EXOC2: variants seen among roughly 807,000 people sequenced by gnomAD.
EXOC2 encodes SEC5-like 1.
In EXOC2, 70 loss-of-function variants were observed where a neutral mutation model predicts 131.8. That is an observed-to-expected ratio of 0.53 (90% CI 0.44 to 0.65). The LOEUF is 0.65. Among genes scored for constraint, EXOC2 ranks in the 30% least tolerant of loss-of-function variants. The pLI is 0.00. For missense variants in EXOC2, 923 were observed against 1,108.6 expected (o/e 0.83, Z 2.38); for synonymous variants, 411 against 398.4 (o/e 1.03, Z -0.38).
At chr6:682,199 CTT>C (rs10654916) in intron 1 of EXOC2, among the ~76,000 whole-genome samples, 20 of 129,604 alleles carry the variant, frequency 1.5e-4, no homozygotes, top group Admixed American at 2.3e-4. Flanking sequence ...TTCCCAGTTT[CTT>C]TTTTTTTTTT....
At chr6:514,765 G>C (rs1248511252) in intron 23 of EXOC2, among the ~76,000 whole-genome samples, 1 of 152,208 alleles carries the variant, frequency 6.6e-6, no homozygotes, top group Non-Finnish European at 1.5e-5. Flanking sequence ...AGATGTGTGG[G>C]GGAGGAGCCC....
intron 3 of EXOC2, 123 bp from the exon 4 acceptor site, chr6:630,084 G>T: frequency 8.4e-7 from 1 of 1,191,944 alleles, no homozygotes; most frequent in Non-Finnish European, 1.1e-6. Flanking sequence ...ATCTTTAAGA[G>T]ATTTGAGGAC....
intron 22 of EXOC2, among the ~76,000 whole-genome samples, chr6:545,846 G>A (rs576881221): frequency 1.3e-5 from 2 of 152,052 alleles, no homozygotes; most frequent in East Asian, 3.9e-4. Flanking sequence ...AAAATACTAC[G>A]TATACCCACA....
intron 1 of EXOC2, among the ~76,000 whole-genome samples, chr6:677,932 T>TCACACACA (rs1390594003): frequency 5.2e-5 from 4 of 77,314 alleles, no homozygotes; most frequent in African/African-American, 1.5e-4. Context: ...GCTTATAATC[T>TCACACACA]CTCACACACA....
intron 1 of EXOC2, among the ~76,000 whole-genome samples, chr6:660,049 G>A (rs551278899): frequency 7.2e-5 from 11 of 152,050 alleles, no homozygotes; most frequent in South Asian, 4.2e-4. Flanking sequence ...TCAGTTTTGC[G>A]TGGGAGCTGG....
intron 1 of EXOC2, among the ~76,000 whole-genome samples, chr6:681,588 T>C (rs754683831): frequency 6.6e-6 from 1 of 152,226 alleles, no homozygotes; most frequent in Admixed American, 6.5e-5. Context: ...AACTATCCTT[T>C]AGTCCTATAA....
chr6:688,033 T>C (rs1395517865), intron 1 of EXOC2, among the ~76,000 whole-genome samples: 3 of 152,140 alleles, frequency 2.0e-5, no homozygotes, highest in Non-Finnish European at 4.4e-5. Flanking sequence ...AGGTAGGAGA[T>C]TGGTCTTAGC....
At chr6:656,481 G>A (rs777995048) in intron 1 of EXOC2, 3 of 1,609,516 alleles carry the variant, frequency 1.9e-6, no homozygotes, top group Non-Finnish European at 2.5e-6. Flanking sequence ...GCGGATGCTC[G>A]CGTCGGAGGC....
chr6:654,620 TGA>T (rs1561976416), intron 1 of EXOC2, among the ~76,000 whole-genome samples: 2 of 151,440 alleles, frequency 1.3e-5, no homozygotes, highest in African/African-American at 4.8e-5. Context: ...GTCAACATAG[TGA>T]GACTCCCTCT....
At chr6:493,545 C>A (rs953033073) in intron 25 of EXOC2, among the ~76,000 whole-genome samples, 1 of 152,172 alleles carries the variant, frequency 6.6e-6, no homozygotes, top group Non-Finnish European at 1.5e-5. Context: ...CTATATAATA[C>A]CTACAAAACT....
rs147806259 is a variant in EXOC2, at chr6:499,582, C to T, written c.2436+63G>A. On this transcript the variant is annotated intron_variant, in intron 24 of 27. Coordinates refer to ENST00000230449, the MANE Select transcript of EXOC2 (RefSeq NM_018303.6). ...ACCACCATAGAAATAATCAAATTTACATCTTTCTTTTTTCTTTTTTTTGGT... is the reference window on the plus strand; with the variant it reads ...ACCACCATAGAAATAATCAAATTTATATCTTTCTTTTTTCTTTTTTTTGGT... The T allele has an allele frequency of 6.6e-4, 919 of 1,391,818 alleles. 8 individuals are homozygous for T. In the African/African-American group the frequency reaches 0.012, roughly 19 times the overall value. The allele number at this position is 1,391,818 out of a possible 1,614,324, so 86.2% of individuals were successfully genotyped here.
intron 22 of EXOC2, among the ~76,000 whole-genome samples, chr6:547,128 A>C (rs1001092414): frequency 2.3e-4 from 35 of 152,250 alleles, no homozygotes; most frequent in African/African-American, 8.4e-4. Flanking sequence ...CACCAAATAA[A>C]AGTGTATGTA....
At chr6:582,755 G>GTATA (rs1270573211) in intron 11 of EXOC2, among the ~76,000 whole-genome samples, 4,850 of 151,462 alleles carry the variant, frequency 0.032, 274 homozygotes, top group African/African-American at 0.11. Context: ...ACATATATAT[G>GTATA]TATATATATA....
intron 10 of EXOC2, among the ~76,000 whole-genome samples, chr6:592,995 A>G (rs1222438054): frequency 6.6e-6 from 1 of 152,240 alleles, no homozygotes; most frequent in African/African-American, 2.4e-5. Context: ...TCACCACTGT[A>G]CTGCAGCCTG....
chr6:487,373 A>G (rs1763134373), intron 27 of EXOC2, among the ~76,000 whole-genome samples: 1 of 152,132 alleles, frequency 6.6e-6, no homozygotes, highest in South Asian at 2.1e-4. Flanking sequence ...TGATATCGCA[A>G]TCTGTTTCCC....
chr6:492,289 T>C lies in EXOC2; in HGVS notation c.2560-1103A>G, dbSNP rs146818341. Among the ~76,000 whole-genome samples the C allele has an allele frequency of 8.0e-4, 122 of 152,318 alleles. No homozygotes were observed. The East Asian group carries it at 0.012, about 15-fold the overall frequency. ...AAATAATGGTGAGGATGTAGAGACA[T>C]TGGAACCCTCAAAAATTGCTGGTAG... is the stretch of plus-strand genomic sequence containing the variant. On this transcript the variant is annotated intron_variant, in intron 25 of 27. Coordinates refer to ENST00000230449, the MANE Select transcript of EXOC2 (RefSeq NM_018303.6).
At chr6:589,831 G>A (rs1242988414) in intron 11 of EXOC2, among the ~76,000 whole-genome samples, 3 of 152,176 alleles carry the variant, frequency 2.0e-5, no homozygotes, top group East Asian at 1.9e-4. Context: ...CCCAGTGGAC[G>A]CGTGGTAGCT....
intron 1 of EXOC2, among the ~76,000 whole-genome samples, chr6:688,302 C>A (rs1764759813): frequency 6.6e-6 from 1 of 151,936 alleles, no homozygotes. Flanking sequence ...GAGCTGGTGA[C>A]CATGGATTTA....
At chr6:691,068 T>C (rs1449886611) in intron 1 of EXOC2, among the ~76,000 whole-genome samples, 1 of 152,154 alleles carries the variant, frequency 6.6e-6, no homozygotes, top group African/African-American at 2.4e-5. Flanking sequence ...GGAGAATGAG[T>C]GGAAAAGTAA....
Sources: gnomAD v4.1 joint callset for allele counts (sites outside exome capture counted in the v4.1 genomes callset) on GRCh38, gnomAD v4.1.1 for gene constraint, MANE v1.5 for transcripts, NCBI Gene and HGNC (gene_info 2026-07-23, HGNC 2026-07-21) for gene names.